The following ATOH8 variants were observed in gnomAD, a reference collection of about 807,000 sequenced individuals.
ATOH8 encodes atonal bHLH transcription factor 8, also known as transcription factor ATOH8.
Under a neutral mutation model 21.2 loss-of-function variants are expected in ATOH8, and 9 were observed. The ratio of observed to expected loss-of-function variants is 0.42; its 90% confidence interval spans 0.26 to 0.74. The LOEUF is 0.74. Ranked by LOEUF, ATOH8 falls within the 30% of genes least tolerant of loss-of-function variation. ATOH8 has a pLI of 0.24. For synonymous variants in ATOH8, 253 were observed against 224.0 expected, an observed-to-expected ratio of 1.13 and a Z score of -1.16; for missense variants, 524 against 470.9, an observed-to-expected ratio of 1.11 and a Z score of -1.04.
chr2:85,763,455 C>T (rs1679920839), intron 1 of ATOH8, among the ~76,000 whole-genome samples: 1 of 152,176 alleles, frequency 6.6e-6, no homozygotes. Context: ...ATGTTTGTGT[C>T]TTTCCAGCTG....
At chr2:85,779,083 C>T (rs897181811) in intron 2 of ATOH8, among the ~76,000 whole-genome samples, 23 of 152,176 alleles carry the variant, frequency 1.5e-4, no homozygotes, top group Admixed American at 1.3e-4. Context: ...CTGGGTGCCC[C>T]CTCCAGCCTG....
rs950498859 is a variant in ATOH8, at chr2:85,786,804, T to C, written c.961-81T>C. 6 of 1,605,234 alleles carry C rather than the reference T, an allele frequency of 3.7e-6. 1 individual carries two copies. Among genetic ancestry groups the C allele is most frequent in the Middle Eastern group, 2.1e-4 (1 of 4,756 alleles). On this transcript the variant is annotated intron_variant, in intron 2 of 2. Coordinates refer to ENST00000306279, the MANE Select transcript of ATOH8 (RefSeq NM_032827.7). ...GGGCCCCTCTGCCTGGAGGACTCAG[T>C]GAAGGGACATTCTGCAGCTGTCCAG...
At chr2:85,756,291 C>T (rs892574818) in intron 1 of ATOH8, among the ~76,000 whole-genome samples, 2 of 152,152 alleles carry the variant, frequency 1.3e-5, no homozygotes, top group Admixed American at 6.5e-5. Context: ...CAGTCAGTCC[C>T]ACCCTGAGCC....
intron 1 of ATOH8, among the ~76,000 whole-genome samples, chr2:85,756,457 C>T (rs560128226): frequency 3.3e-5 from 5 of 152,280 alleles, no homozygotes; most frequent in African/African-American, 4.8e-5. Flanking sequence ...TGGGGAGGCA[C>T]GTGCCCAGAG....
rs547169647 is a variant in ATOH8, at chr2:85,764,367, A to G, written c.960+185A>G. ...TCCCTGGGATTATAGGTGTGTCTCT[A>G]CTTCTGGTAACCGGCTGCTGGGTGA... On this transcript the variant is annotated intron_variant, in intron 2 of 2. Transcript: ENST00000306279. Among the ~76,000 whole-genome samples the G allele has an allele frequency of 5.3e-5, 8 of 152,270 alleles. No individual in the cohort carries two copies. In the South Asian group the frequency reaches 1.7e-3, roughly 32 times the overall value.
rs926540304 is a variant in ATOH8 at position 85,785,064 on chromosome 2, C to CAACA, written c.961-1820_961-1817dup. On this transcript the variant is annotated intron_variant, in intron 2 of 2. Coordinates refer to ENST00000306279, the MANE Select transcript of ATOH8 (RefSeq NM_032827.7). This position sits in a 1 kb window ranked among gnomAD's most constrained non-coding sequence, Gnocchi z 4.1. ...TGTGGCTTCAGCGGGGACTAAGAGC[C>CAACA]AACAGACGGCTTGGGGCTGGCCCCA... Among the ~76,000 whole-genome samples the CAACA allele has an allele frequency of 6.6e-6, 1 of 152,230 alleles. No homozygotes were observed. The highest frequency in any genetic ancestry group is 2.4e-5 in the African/African-American group (1 of 41,454).
At position 85,788,266 on chromosome 2, in the gene ATOH8, C is replaced by T. The variant is rs973752025; in HGVS notation, c.*1376C>T. Among the ~76,000 whole-genome samples, 2 of 151,916 alleles carry T rather than the reference C, an allele frequency of 1.3e-5. No homozygotes were observed. Among genetic ancestry groups the T allele is most frequent in the Non-Finnish European group, 2.9e-5 (2 of 67,960 alleles). On this transcript the variant is annotated 3_prime_UTR_variant, in exon 3 of 3. Coordinates refer to ENST00000306279, the MANE Select transcript of ATOH8 (RefSeq NM_032827.7). The stretch of plus-strand genomic sequence containing the variant: ...AGTAGTCTCAGCCTGGACTAGTGAC[C>T]AGGAGGCCTGGTCAGGAACACATGA...
chr2:85,775,016 A>C (rs906606384), intron 2 of ATOH8: 24 of 985,214 alleles, frequency 2.4e-5, no homozygotes, highest in Non-Finnish European at 2.7e-5. Context: ...GCATCATGTG[A>C]TATGCTTTTA....
At chr2:85,776,151 G>A (rs938427931) in intron 2 of ATOH8, among the ~76,000 whole-genome samples, 18 of 152,202 alleles carry the variant, frequency 1.2e-4, no homozygotes, top group Non-Finnish European at 2.1e-4. Context: ...AGGCGAAGTC[G>A]CCCAGGCTCA....
chr2:85,786,626 T>A (rs1175960927), intron 2 of ATOH8, among the ~76,000 whole-genome samples: 2 of 152,180 alleles, frequency 1.3e-5, no homozygotes, highest in African/African-American at 2.4e-5. Context: ...TGGCTCCCAC[T>A]ACCCACTGTG....
At chr2:85,772,024 C>T (rs1194578485) in intron 2 of ATOH8, among the ~76,000 whole-genome samples, 2 of 152,272 alleles carry the variant, frequency 1.3e-5, no homozygotes, top group African/African-American at 4.8e-5. Context: ...CTGCCCAGCA[C>T]AGTGGCCTGT....
chr2:85,763,088 C>T (rs1679910946), intron 1 of ATOH8, among the ~76,000 whole-genome samples: 1 of 152,082 alleles, frequency 6.6e-6, no homozygotes, highest in African/African-American at 2.4e-5. Flanking sequence ...ATTGTTAGCC[C>T]TTTAGGTGAA....
At chr2:85,759,265 G>C (rs1323469666) in intron 1 of ATOH8, among the ~76,000 whole-genome samples, 4 of 152,200 alleles carry the variant, frequency 2.6e-5, no homozygotes, top group Non-Finnish European at 1.5e-5. Context: ...CATCCTCTCG[G>C]GCAACGAGGG....
chr2:85,783,064 C>A (rs1343584914), intron 2 of ATOH8, among the ~76,000 whole-genome samples: 1 of 152,208 alleles, frequency 6.6e-6, no homozygotes, highest in Non-Finnish European at 1.5e-5. Context: ...CAAAACAGGC[C>A]ACGTCCCTGC....
intron 2 of ATOH8, among the ~76,000 whole-genome samples, chr2:85,771,801 C>T (rs975653102): frequency 6.6e-6 from 1 of 152,264 alleles, no homozygotes; most frequent in Non-Finnish European, 1.5e-5. Flanking sequence ...ATCCCACTCA[C>T]ATTATCTCTA....
chr2:85,754,899 C>A lies in ATOH8; in HGVS notation c.710C>A (p.Ala237Asp). The A allele has an allele frequency of 6.2e-7, 1 of 1,610,452 alleles. No individual in the cohort carries two copies. Among genetic ancestry groups the A allele is most frequent in the Non-Finnish European group, 8.5e-7 (1 of 1,179,780 alleles). The change falls in exon 1 of 3, where the codon GCC becomes GAC. Residue 237 changes from alanine (A) to aspartate (D), a missense_variant. By Grantham distance (126) the Ala-to-Asp change is moderately radical (BLOSUM62 -2). Transcript: ENST00000306279. ...CAGACCCGGAGGCTCCTGGCGAACG[C>A]CAGGGAGCGGACGCGGGTGCACACC... ...LQQTRRLLAN[A>D]RERTRVHTIS...
intron 2 of ATOH8, chr2:85,781,084 A>G (rs1680475694): frequency 1.0e-6 from 1 of 988,106 alleles, no homozygotes; most frequent in South Asian, 4.7e-5. Context: ...AAGGATGTCC[A>G]GGCTTGAGTG....
At chr2:85,772,875 TCCTCCTCTGCGAGCCCGAAGG>T (rs1680226282) in intron 2 of ATOH8, 1 of 450,926 alleles carries the variant, frequency 2.2e-6, no homozygotes, top group African/African-American at 2.0e-5. Flanking sequence ...TGACTTTTCT[TCCTCCTCTGCGAGCCCGAAGG>T]CCACCTCATT....
chr2:85,780,041 C>A (rs1037765636), intron 2 of ATOH8, among the ~76,000 whole-genome samples: 1 of 152,158 alleles, frequency 6.6e-6, no homozygotes, highest in African/African-American at 2.4e-5. Context: ...CACCTGTTGT[C>A]CCCACCTTGC....
Sources: gnomAD v4.1 joint callset for allele counts (sites outside exome capture counted in the v4.1 genomes callset) on GRCh38, gnomAD v4.1.1 for gene constraint, Gnocchi (gnomAD v3.1) non-coding constraint, MANE v1.5 for transcripts, NCBI Gene and HGNC (gene_info 2026-07-23, HGNC 2026-07-21) for gene names.